The following RNF123 variants were observed in gnomAD, a reference collection of about 807,000 sequenced individuals.
The protein encoded by RNF123 is E3 ubiquitin-protein ligase RNF123.
Under a neutral mutation model 168.5 loss-of-function variants are expected in RNF123, and 86 were observed. The ratio of observed to expected loss-of-function variants is 0.51; its 90% CI spans 0.43 to 0.61. The LOEUF is 0.61. RNF123 is among the 20% of genes least tolerant of loss of function. The probability of loss-of-function intolerance (pLI) is 0.00; values close to 1 mark genes in which losing one functional copy is unlikely to be tolerated. For missense variants in RNF123, 1,419 were observed against 1,729.7 expected (o/e 0.82, Z 3.19); for synonymous variants, 666 against 689.1 (o/e 0.97, Z 0.52).
chr3:49,701,495 G>A lies in RNF123; in HGVS notation c.1282G>A (p.Asp428Asn), dbSNP rs369164501. Residue 428 changes from aspartate to asparagine, a missense_variant, in exon 16 of 39, where the codon GAC becomes AAC. Coordinates refer to ENST00000327697, the MANE Select transcript of RNF123 (RefSeq NM_022064.5). The stretch of plus-strand genomic sequence containing the variant: ...CCCTGCCTTGACACCCGCCAGCTTC[G>A]ACGTGCTCCGCTCCGTCGTCTTCTT... ...RKFLLSNVLF[D>N]VLRSVVFFYI... The A allele has an allele frequency of 6.2e-7, 1 of 1,613,476 alleles. No homozygotes were observed. Among genetic ancestry groups the A allele is most frequent in the East Asian group, 2.2e-5 (1 of 44,876 alleles).
chr3:49,702,727 C>G lies in RNF123; in HGVS notation c.1724C>G (p.Ser575Cys), dbSNP rs1268861753. The change falls in exon 20 of 39, where the codon TCC becomes TGC. Residue 575 changes from serine to cysteine, a missense_variant. By Grantham distance (112) the Ser-to-Cys change is moderately radical (BLOSUM62 -1). This residue lies in a region of RNF123 where 349 missense variants were observed against 344.9 expected (regional missense o/e 1.01). Coordinates refer to ENST00000327697, the MANE Select transcript of RNF123 (RefSeq NM_022064.5). Reference sequence around the variant, plus strand: ...TACTATTGGGATGAATACAAGGCTTCCAATCCTCATGCTTCCTTCAGTGAG... The same window carrying G: ...TACTATTGGGATGAATACAAGGCTTGCAATCCTCATGCTTCCTTCAGTGAG... ...LRYYWDEYKA[S>C]NPHASFSEEA... The G allele has an allele frequency of 6.2e-7, 1 of 1,614,220 alleles. No individual in the cohort carries two copies.
intron 23 of RNF123, 100 bp downstream of exon 23, chr3:49,705,282 C>G: frequency 7.2e-7 from 1 of 1,397,846 alleles, no homozygotes; most frequent in Non-Finnish European, 9.7e-7. Flanking sequence ...GCCCTCCCAG[C>G]CCTGTGGCCT....
rs755194380 is a variant in RNF123, at chr3:49,715,583, C to T, written c.3019C>T (p.Pro1007Ser). 6.2e-7 allele frequency: 1 copy of T among 1,614,044 alleles called. No individual in the cohort carries two copies. The highest frequency in any genetic ancestry group is 8.5e-7 in the Non-Finnish European group (1 of 1,179,990). Residue 1007 changes from proline (P) to serine (S), a missense_variant, in exon 32 of 39, where the codon CCT becomes TCT. By Grantham distance (74) the Pro-to-Ser change is moderately conservative. Coordinates refer to ENST00000327697, the MANE Select transcript of RNF123 (RefSeq NM_022064.5). ...CTCCTGTCCCCCTGCAGAGCCCTGC[C>T]CTTCCACCCTGCTGCAGCAGCACAT... ...ANLPSLQKPC[P>S]STLLQQHMAD...
At position 49,690,539 on chromosome 3, in the gene RNF123, G is replaced by A. The variant is rs1448381364; in HGVS notation, c.-36-591G>A. The stretch of plus-strand genomic sequence containing the variant: ...TTTGCCATGAGGGCTGGGCAAGGGT[G>A]GTGCTTGGATGAGGTGGGAGGCCAC... On this transcript the variant is annotated intron_variant, in intron 1 of 38. Coordinates refer to ENST00000327697, the MANE Select transcript of RNF123 (RefSeq NM_022064.5). Among the ~76,000 whole-genome samples the A allele has an allele frequency of 3.3e-5, 5 of 152,196 alleles. No homozygotes were observed. In the East Asian group the frequency reaches 9.6e-4, roughly 29 times the overall value.
intron 26 of RNF123, 77 bp from the exon 27 acceptor site, chr3:49,712,402 C>T: frequency 6.8e-7 from 1 of 1,479,190 alleles, no homozygotes; most frequent in Non-Finnish European, 9.3e-7. Flanking sequence ...GGAGGCCTTT[C>T]CTGATCCCCA....
At chr3:49,693,113 A>G (rs1219418803) in intron 3 of RNF123, among the ~76,000 whole-genome samples, 1 of 151,740 alleles carries the variant, frequency 6.6e-6, no homozygotes, top group Non-Finnish European at 1.5e-5. Flanking sequence ...CAGGGGCACA[A>G]TCTCAGCTCA....
intron 3 of RNF123, 187 bp from the exon 4 acceptor site, chr3:49,696,956 A>G: frequency 1.6e-6 from 1 of 628,460 alleles, no homozygotes; most frequent in Non-Finnish European, 2.9e-6. Context: ...TGGACTGGTT[A>G]TACTTTTGAG....
At position 49,698,511 on chromosome 3, in the gene RNF123, A is replaced by G; in HGVS notation, c.555A>G (p.Thr185=). ...GNRVRKWNVT[T]TNYGKAWAAG... ...GCGTGCGCAAGTGGAATGTGACCAC[A>G]ACGAATTATGGCAAGGTGAGAGCCA... Residue 185 remains threonine (T), a synonymous_variant, in exon 8 of 39, where the codon ACA becomes ACG. Coordinates refer to ENST00000327697, the MANE Select transcript of RNF123 (RefSeq NM_022064.5). 6.2e-7 allele frequency: 1 copy of G among 1,613,940 alleles called. No homozygotes were observed. Among genetic ancestry groups the G allele is most frequent in the Non-Finnish European group, 8.5e-7 (1 of 1,180,010 alleles).
intron 35 of RNF123, chr3:49,718,330 T>A (rs776138776): frequency 1.2e-6 from 2 of 1,613,364 alleles, no homozygotes; most frequent in Middle Eastern, 1.6e-4. Context: ...GTTGAAAGCC[T>A]CGGGCTCTGG....
chr3:49,713,976 G>C lies in RNF123; in HGVS notation c.2904G>C (p.Trp968Cys). 6.2e-7 allele frequency: 1 copy of C among 1,614,090 alleles called. No individual in the cohort carries two copies. Among genetic ancestry groups the C allele is most frequent in the Non-Finnish European group, 8.5e-7 (1 of 1,180,004 alleles). Residue 968 changes from tryptophan (W) to cysteine (C), a missense_variant, in exon 30 of 39, where the codon TGG becomes TGC. By Grantham distance (215) the Trp-to-Cys change is radical. Around this residue, in one of 5 missense-constraint regions of RNF123, gnomAD observed 538 missense variants for 708.8 expected, o/e 0.76. Coordinates refer to ENST00000327697, the MANE Select transcript of RNF123 (RefSeq NM_022064.5). ...YEQRPWAQTN[W>C]ILVRLWRGCG... ...AGCGGCCCTGGGCCCAGACCAACTG[G>C]ATCCTGGTGCGGCTCTGGAGGGTAA...
intron 15 of RNF123, among the ~76,000 whole-genome samples, chr3:49,701,190 G>C (rs2054374573): frequency 6.6e-6 from 1 of 152,240 alleles, no homozygotes; most frequent in Non-Finnish European, 1.5e-5. Context: ...GGGAGACACA[G>C]AGGTCAGAGT....
At chr3:49,696,309 TG>T (rs2054265992) in intron 3 of RNF123, among the ~76,000 whole-genome samples, 1 of 152,156 alleles carries the variant, frequency 6.6e-6, no homozygotes, top group African/African-American at 2.4e-5. Context: ...GTCACTATTC[TG>T]TTTTTACAGA....
intron 35 of RNF123, chr3:49,717,800 G>C: frequency 1.2e-6 from 1 of 827,612 alleles, no homozygotes. Context: ...ACCAGTGAGC[G>C]AGAAGGCCCA....
chr3:49,720,986 A>G, intron 37 of RNF123, 34 bp from the exon 38 acceptor site: 1 of 1,608,958 alleles, frequency 6.2e-7, no homozygotes, highest in Non-Finnish European at 8.5e-7. Context: ...CCAGGCATCC[A>G]ACTCCAGCCC....
At chr3:49,692,531 T>C (rs2054188440) in intron 3 of RNF123, among the ~76,000 whole-genome samples, 2 of 152,218 alleles carry the variant, frequency 1.3e-5, no homozygotes. Context: ...GTACAATTAT[T>C]ATTTACTATA....
Position 49,701,874 on chromosome 3 carries a change from G to A in RNF123, c.1459G>A (p.Glu487Lys), listed in dbSNP as rs1487880893. ...GGAGCGGCTGCGGCGGCGAGCCTAC[G>A]AACGGGGCTGTCAGCGGCTCAGGAA... ...AEERLRRRAY[E>K]RGCQRLRKRI... The change falls in exon 17 of 39, where the codon GAA becomes AAA. Residue 487 changes from glutamate to lysine, a missense_variant. Glu to Lys is a moderately conservative substitution (Grantham distance 56, BLOSUM62 1). Coordinates refer to ENST00000327697, the MANE Select transcript of RNF123 (RefSeq NM_022064.5). 8.9e-6 allele frequency: 14 copies of A among 1,566,678 alleles called. No homozygotes were observed. Among genetic ancestry groups the A allele is most frequent in the Middle Eastern group, 1.7e-4 (1 of 6,014 alleles).
Position 49,704,835 on chromosome 3 carries a change from A to G in RNF123, c.1959+79A>G. 2.8e-6 allele frequency: 4 copies of G among 1,427,106 alleles called. No homozygotes were observed. In the South Asian group the frequency reaches 5.2e-5, roughly 19 times the overall value. The allele number at this position is 1,427,106 out of a possible 1,614,324, so 88.4% of individuals were successfully genotyped here. A position where few individuals can be genotyped will look rare whatever the true frequency, so the allele number is the denominator to read the frequency against. On this transcript the variant is annotated intron_variant, in intron 22 of 38. Coordinates refer to ENST00000327697, the MANE Select transcript of RNF123 (RefSeq NM_022064.5). ...ATGGGCAGGGGTCTCATCCAGGGCC[A>G]CTTCCCGCTCCATGCAGGCAAAGGG...
chr3:49,707,490 G>C (rs1325133360), intron 26 of RNF123, among the ~76,000 whole-genome samples: 2 of 152,140 alleles, frequency 1.3e-5, no homozygotes, highest in African/African-American at 4.8e-5. Context: ...GGGCACTCCT[G>C]CTGTGACTGA....
chr3:49,718,606 T>G (rs1238235970), intron 35 of RNF123: 20 of 1,612,828 alleles, frequency 1.2e-5, no homozygotes, highest in African/African-American at 6.7e-5. Context: ...CGCGTACAGG[T>G]GCTCTTCCGG....
Sources: gnomAD v4.1 joint callset for allele counts (sites outside exome capture counted in the v4.1 genomes callset) on GRCh38, gnomAD v4.1.1 for gene constraint, gnomAD v4.1.1 regional missense constraint, MANE v1.5 for transcripts, NCBI Gene and HGNC (gene_info 2026-07-23, HGNC 2026-07-21) for gene names.